Variants in NRXN3 observed in about 807,000 individuals in gnomAD.
NRXN3 encodes neurexin 3, also known as neurexin III.
A neutral mutation model predicts 137.6 loss-of-function variants in NRXN3; 32 were observed. The observed-to-expected ratio is 0.23, with a 90% CI of 0.18 to 0.31. NRXN3 has a LOEUF of 0.31. NRXN3 is among the 10% of genes least tolerant of loss of function. The probability of loss-of-function intolerance (pLI) is 1.00; values close to 1 mark genes in which losing one functional copy is unlikely to be tolerated. For synonymous variants in NRXN3, 798 were observed against 784.5 expected (o/e 1.02, Z -0.29); for missense variants, 1,574 against 2,062.5 (o/e 0.76, Z 4.59).
intron 4 of NRXN3, among the ~76,000 whole-genome samples, chr14:78,447,391 A>C (rs17107612): frequency 0.026 from 3,965 of 152,386 alleles, 177 homozygotes; most frequent in Admixed American, 0.13. Flanking sequence ...CTAATAACAT[A>C]TAATGCAGCA....
chr14:79,067,213 T>C (rs1178710622), intron 15 of NRXN3, among the ~76,000 whole-genome samples: 1 of 152,192 alleles, frequency 6.6e-6, no homozygotes, highest in East Asian at 1.9e-4. Context: ...TCTGCATCTA[T>C]TGAGATAATC....
intron 15 of NRXN3, among the ~76,000 whole-genome samples, chr14:79,409,615 G>GTGTC (rs542767782): frequency 3.7e-5 from 2 of 53,420 alleles, no homozygotes; most frequent in South Asian, 7.2e-4. Context: ...GTGTGTGTGT[G>GTGTC]TCTATATATA....
At chr14:78,888,848 T>TACACAC (rs59053009) in intron 10 of NRXN3, among the ~76,000 whole-genome samples, 1 of 146,318 alleles carries the variant, frequency 6.8e-6, no homozygotes, top group African/African-American at 2.5e-5. Context: ...ATCACACACA[T>TACACAC]ACACACACAC....
intron 10 of NRXN3, among the ~76,000 whole-genome samples, chr14:78,948,628 C>CT (rs201010514): frequency 0.018 from 1,976 of 108,466 alleles, 5 homozygotes; most frequent in Non-Finnish European, 0.025. Flanking sequence ...ACACATTTAA[C>CT]TTTTTTTTTT....
chr14:79,773,735 A>T (rs1201232148), intron 19 of NRXN3, among the ~76,000 whole-genome samples: 1 of 151,888 alleles, frequency 6.6e-6, no homozygotes, highest in East Asian at 1.9e-4. Flanking sequence ...ATACGTAACT[A>T]ACCTGCACAA....
At chr14:79,652,404 T>TAAACAC (rs748299705) in intron 16 of NRXN3, among the ~76,000 whole-genome samples, 12,115 of 152,100 alleles carry the variant, frequency 0.08, 1,624 homozygotes, top group African/African-American at 0.28. Flanking sequence ...TCATGGATAA[T>TAAACAC]TTGTGTATCT....
intron 20 of NRXN3, among the ~76,000 whole-genome samples, chr14:79,811,118 A>T (rs969769452): frequency 5.3e-5 from 8 of 152,228 alleles, no homozygotes; most frequent in Admixed American, 4.6e-4. Flanking sequence ...TATTCAGAAT[A>T]TAGTACAAAA....
chr14:79,515,825 AG>A (rs901992163), intron 16 of NRXN3, among the ~76,000 whole-genome samples: 1 of 152,188 alleles, frequency 6.6e-6, no homozygotes, highest in Non-Finnish European at 1.5e-5. Flanking sequence ...AAACTATGGC[AG>A]GAAGTGGGTA....
chr14:78,450,607 A>T (rs2094528927), intron 4 of NRXN3, among the ~76,000 whole-genome samples: 1 of 152,180 alleles, frequency 6.6e-6, no homozygotes, highest in Non-Finnish European at 1.5e-5. Flanking sequence ...AGGTTGGGGC[A>T]GGTGGGAAGG....
chr14:78,686,806 GT>G (rs1489305695), intron 6 of NRXN3, among the ~76,000 whole-genome samples: 2 of 152,134 alleles, frequency 1.3e-5, no homozygotes, highest in Non-Finnish European at 2.9e-5. Context: ...TATAGGGAAG[GT>G]TTGCATAATT....
intron 10 of NRXN3, among the ~76,000 whole-genome samples, chr14:78,839,026 G>T (rs1428808482): frequency 6.6e-6 from 1 of 152,140 alleles, no homozygotes; most frequent in East Asian, 1.9e-4. Context: ...TTGGTGAGTG[G>T]ATGCTTTCTC....
intron 19 of NRXN3, among the ~76,000 whole-genome samples, chr14:79,747,865 G>T (rs1017107497): frequency 2.0e-5 from 3 of 152,074 alleles, no homozygotes; most frequent in African/African-American, 7.2e-5. Flanking sequence ...GTGTCTTTGG[G>T]TGGGCTACTG....
intron 16 of NRXN3, among the ~76,000 whole-genome samples, chr14:79,508,390 A>ATTGTTTTTTTTTTTTTTTTTTT (rs2096898381): frequency 2.1e-5 from 1 of 48,238 alleles, no homozygotes; most frequent in African/African-American, 7.3e-5. Context: ...ACAATAACTG[A>ATTGTTTTTTTTTTTTTTTTTTT]TTTTTTTTTT....
chr14:78,542,452 G>A (rs372461154), intron 4 of NRXN3, among the ~76,000 whole-genome samples: 19 of 152,364 alleles, frequency 1.2e-4, no homozygotes, highest in Non-Finnish European at 2.4e-4. Flanking sequence ...AGACTGTTGC[G>A]CTAGCAGTGA....
At chr14:79,488,450 A>G (rs1267489539) in intron 16 of NRXN3, among the ~76,000 whole-genome samples, 2 of 152,214 alleles carry the variant, frequency 1.3e-5, no homozygotes, top group Non-Finnish European at 2.9e-5. Flanking sequence ...TAAAGGAAAT[A>G]TAAGAATATT....
At chr14:79,062,901 T>C (rs1293891385) in intron 15 of NRXN3, among the ~76,000 whole-genome samples, 1 of 152,202 alleles carries the variant, frequency 6.6e-6, no homozygotes, top group Non-Finnish European at 1.5e-5. Flanking sequence ...TTTACCATAT[T>C]AGCAATTGGC....
intron 15 of NRXN3, among the ~76,000 whole-genome samples, chr14:79,049,482 C>T (rs1413096765): frequency 1.3e-5 from 2 of 152,166 alleles, no homozygotes; most frequent in Admixed American, 6.5e-5. Context: ...ATGCCAAAGT[C>T]TTGAACCCCA....
Position 78,265,743 on chromosome 14 carries a change from C to T in NRXN3, c.710-12902C>T, listed in dbSNP as rs372181445. Among the ~76,000 whole-genome samples the T allele has an allele frequency of 3.9e-5, 6 of 152,316 alleles. No individual in the cohort carries two copies. In the South Asian group the frequency reaches 8.3e-4, roughly 21 times the overall value. On this transcript the variant is annotated intron_variant, in intron 2 of 20. Transcript: ENST00000335750. Reference sequence around the variant, plus strand: ...ATGACCTCAATTCTGATTTCAGCTCCAAAATTGTCCAGCTGAGTGTACGTG... The same window carrying T: ...ATGACCTCAATTCTGATTTCAGCTCTAAAATTGTCCAGCTGAGTGTACGTG...
intron 15 of NRXN3, among the ~76,000 whole-genome samples, chr14:79,222,736 G>T: frequency 9.7e-6 from 1 of 102,940 alleles, no homozygotes; most frequent in East Asian, 3.0e-4. Flanking sequence ...ATGTATAATG[G>T]CATCTCATTG....
Sources: allele counts gnomAD v4.1 joint callset (sites outside exome capture counted in the v4.1 genomes callset), GRCh38; gene constraint gnomAD v4.1.1; transcripts MANE v1.5; gene names NCBI Gene and HGNC (gene_info 2026-07-23, HGNC 2026-07-21).